TSPAN18: variants seen among roughly 807,000 people sequenced by gnomAD.
The protein encoded by TSPAN18 is tetraspanin-18.
TSPAN18 carries 14 observed loss-of-function variants against 27.3 expected under a neutral mutation model. That is an observed-to-expected ratio of 0.51 (90% CI 0.34 to 0.80). The LOEUF is 0.80. TSPAN18 is among the 30% of genes least tolerant of loss of function. The pLI is 0.01. For missense variants in TSPAN18, 268 were observed against 323.9 expected (o/e 0.83, Z 1.32); for synonymous variants, 143 against 136.5 (o/e 1.05, Z -0.33).
chr11:44,861,793 TCACACACACACA>T lies in TSPAN18; in HGVS notation c.-11+1355_-11+1366del, dbSNP rs56816197. 3.5e-3 allele frequency among the ~76,000 whole-genome samples: 467 copies of T among 132,144 alleles called. 5 individuals carry two copies. Among genetic ancestry groups the T allele is most frequent in the Non-Finnish European group, 5.2e-3 (329 of 62,828 alleles). The allele number at this position is 132,144 out of a possible 152,430, so 86.7% of individuals were successfully genotyped here. A position where few individuals can be genotyped will look rare whatever the true frequency, so the allele number is the denominator to read the frequency against. On this transcript the variant is annotated intron_variant, in intron 3 of 9. Transcript: ENST00000520358. The stretch of plus-strand genomic sequence containing the variant: ...AATCTAGTATCTGAAAGCCCAAATT[TCACACACACACA>T]CACACACACACACACACACACACAC...
Position 44,929,251 on chromosome 11 carries a change from C to G in TSPAN18, c.*73C>G. The G allele has an allele frequency of 1.3e-6, 2 of 1,588,200 alleles. No homozygotes were observed. Among genetic ancestry groups the G allele is most frequent in the Non-Finnish European group, 1.7e-6 (2 of 1,160,378 alleles). Reference sequence around the variant, plus strand: ...GCACCCAGTGTCCTCCCGTGCCCCTCCCCGCTGTCCTCTTGGCCCCAGGGG... The same window carrying G: ...GCACCCAGTGTCCTCCCGTGCCCCTGCCCGCTGTCCTCTTGGCCCCAGGGG... On this transcript the variant is annotated 3_prime_UTR_variant, in exon 10 of 10. Coordinates refer to ENST00000520358, the MANE Select transcript of TSPAN18 (RefSeq NM_130783.5).
intron 2 of TSPAN18, among the ~76,000 whole-genome samples, chr11:44,798,115 C>T (rs752251452): frequency 3.3e-5 from 5 of 152,204 alleles, no homozygotes; most frequent in Admixed American, 6.5e-5. Context: ...CCTGTGTGCT[C>T]AGTGGCTGGC....
intron 2 of TSPAN18, among the ~76,000 whole-genome samples, chr11:44,802,606 A>G (rs928301619): frequency 2.1e-5 from 2 of 96,706 alleles, no homozygotes; most frequent in East Asian, 9.3e-4. Flanking sequence ...GCTGGGAAGC[A>G]CTGCACACAC....
At chr11:44,752,631 T>C (rs1855238897) in intron 1 of TSPAN18, among the ~76,000 whole-genome samples, 1 of 152,252 alleles carries the variant, frequency 6.6e-6, no homozygotes, top group Non-Finnish European at 1.5e-5. Flanking sequence ...AATGAGTATG[T>C]ATTGTCAGTA....
intron 2 of TSPAN18, among the ~76,000 whole-genome samples, chr11:44,842,578 C>G (rs1857395284): frequency 6.6e-6 from 1 of 152,002 alleles, no homozygotes; most frequent in Non-Finnish European, 1.5e-5. Flanking sequence ...CGAGAGAGGG[C>G]CTCCTAGGCA....
chr11:44,762,983 T>C (rs867245767), intron 1 of TSPAN18, among the ~76,000 whole-genome samples: 3 of 152,186 alleles, frequency 2.0e-5, no homozygotes, highest in South Asian at 2.1e-4. Context: ...GAGATGGCAC[T>C]AGCACCGGGC....
Position 44,783,687 on chromosome 11 carries a change from G to A in TSPAN18, c.-153+19175G>A, listed in dbSNP as rs190102109. Among the ~76,000 whole-genome samples, 8 of 152,216 alleles carry A rather than the reference G, an allele frequency of 5.3e-5. No homozygotes were observed. The East Asian group carries it at 1.2e-3, about 22-fold the overall frequency. On this transcript the variant is annotated intron_variant, in intron 2 of 9. Coordinates refer to ENST00000520358, the MANE Select transcript of TSPAN18 (RefSeq NM_130783.5). ...GCTGGGATTACAGGCGTGAGCCACC[G>A]CGCCCGGCCTCCCAAGACTATTTCT...
intron 2 of TSPAN18, among the ~76,000 whole-genome samples, chr11:44,829,793 T>TC (rs1331785180): frequency 6.6e-5 from 10 of 152,068 alleles, no homozygotes; most frequent in African/African-American, 2.4e-4. Context: ...CATTTTGCAC[T>TC]CCCCCCAGCA....
At chr11:44,739,088 CTT>C (rs1293722525) in intron 1 of TSPAN18, among the ~76,000 whole-genome samples, 1 of 152,138 alleles carries the variant, frequency 6.6e-6, no homozygotes, top group Non-Finnish European at 1.5e-5. Flanking sequence ...GTCTTGGTGA[CTT>C]CTCTCCTGGC....
At chr11:44,762,131 T>C (rs952641648) in intron 1 of TSPAN18, among the ~76,000 whole-genome samples, 5 of 152,348 alleles carry the variant, frequency 3.3e-5, no homozygotes, top group African/African-American at 1.2e-4. Context: ...TCTAAACTTC[T>C]GGGCTTTGGA....
At chr11:44,746,137 G>A (rs1855069814) in intron 1 of TSPAN18, among the ~76,000 whole-genome samples, 1 of 152,234 alleles carries the variant, frequency 6.6e-6, no homozygotes, top group Non-Finnish European at 1.5e-5. Context: ...ATGGTCTGGT[G>A]GCAAATATGG....
In TSPAN18 at chr11:44,918,020, A is replaced by G. The variant is rs369062337; in HGVS notation, c.307A>G (p.Ile103Val). 1.4e-4 allele frequency: 218 copies of G among 1,614,028 alleles called. No homozygotes were observed. The highest frequency in any genetic ancestry group is 1.8e-4 in the Non-Finnish European group (212 of 1,180,028). ...CTTCCTGGCAGAGCTCTCAGCAGCC[A>G]TCCTGGCCTTCATCTTCAGGGAAAA... ...IIFLAELSAA[I>V]LAFIFRENLT... is the part of the protein sequence containing the mutation. Residue 103 changes from isoleucine to valine, a missense_variant, in exon 6 of 10, where the codon ATC becomes GTC. Ile to Val is a conservative substitution (Grantham distance 29). Coordinates refer to ENST00000520358, the MANE Select transcript of TSPAN18 (RefSeq NM_130783.5).
chr11:44,727,786 AGCGGG>A (rs1046379099), intron 1 of TSPAN18, among the ~76,000 whole-genome samples: 13 of 151,282 alleles, frequency 8.6e-5, no homozygotes, highest in East Asian at 2.0e-4. Context: ...GGTCCCTGGC[AGCGGG>A]GCGGGGCGGG....
At chr11:44,819,086 G>T (rs111996432) in intron 2 of TSPAN18, among the ~76,000 whole-genome samples, 8,312 of 152,292 alleles carry the variant, frequency 0.055, 268 homozygotes, top group African/African-American at 0.089. Context: ...CGCGCCTGGT[G>T]TGCGGATGTG....
Position 44,727,050 on chromosome 11 carries a change from C to T in TSPAN18, c.-477C>T, listed in dbSNP as rs1184617320. The T allele has an allele frequency of 3.8e-5, 5 of 131,716 alleles. No individual in the cohort carries two copies. The East Asian group carries it at 1.2e-3, about 33-fold the overall frequency. 8.2% of individuals were successfully genotyped at this position (131,716 alleles called of 1,614,324 possible). ...CGGAGCCGCGCGAGGCCGCCCGAGCCCCAGCCCCGGCCCCGGCCCCAGCCC... is the reference window on the plus strand; with the variant it reads ...CGGAGCCGCGCGAGGCCGCCCGAGCTCCAGCCCCGGCCCCGGCCCCAGCCC... On this transcript the variant is annotated 5_prime_UTR_variant, in exon 1 of 10. Transcript: ENST00000520358.
At chr11:44,747,802 G>A (rs1015514078) in intron 1 of TSPAN18, among the ~76,000 whole-genome samples, 1 of 152,010 alleles carries the variant, frequency 6.6e-6, no homozygotes, top group South Asian at 2.1e-4. Flanking sequence ...CACACTCAAA[G>A]TGCAGGTGGA....
chr11:44,917,249 G>A (rs1355272868), intron 5 of TSPAN18, among the ~76,000 whole-genome samples: 2 of 152,240 alleles, frequency 1.3e-5, no homozygotes, highest in Non-Finnish European at 2.9e-5. Flanking sequence ...ACCTGATCTG[G>A]AGAAATGAGG....
At chr11:44,824,646 C>T (rs1169554248) in intron 2 of TSPAN18, among the ~76,000 whole-genome samples, 2 of 152,362 alleles carry the variant, frequency 1.3e-5, no homozygotes, top group East Asian at 3.9e-4. Flanking sequence ...GGCCCACGGG[C>T]CTGTGCCTGG....
intron 2 of TSPAN18, among the ~76,000 whole-genome samples, chr11:44,771,718 A>G (rs1305832476): frequency 6.6e-6 from 1 of 152,206 alleles, no homozygotes; most frequent in African/African-American, 2.4e-5. Context: ...AAACTTCCCA[A>G]TACAGTGTAT....
Sources: allele counts gnomAD v4.1 joint callset (sites outside exome capture counted in the v4.1 genomes callset), GRCh38; gene constraint gnomAD v4.1.1; transcripts MANE v1.5; gene names NCBI Gene and HGNC (gene_info 2026-07-23, HGNC 2026-07-21).